Variants in ZNF737 observed in about 807,000 individuals in gnomAD.
The protein encoded by ZNF737 is zinc finger protein 102 (Y3).
In ZNF737, 13 loss-of-function variants were observed where a neutral mutation model predicts 11.7. The observed-to-expected ratio is 1.11, with a 90% CI of 0.73 to 1.77. ZNF737 has a LOEUF of 1.77. Among genes scored for constraint, ZNF737 ranks in the 40% most tolerant of loss-of-function variants. ZNF737 has a pLI of 0.00. For synonymous variants in ZNF737, 217 were observed against 216.2 expected (o/e 1.00, Z -0.03); for missense variants, 636 against 638.0 (o/e 1.00, Z 0.03).
rs1207283719 is a variant in ZNF737 at position 20,545,161 on chromosome 19, T to C, written c.1042A>G (p.Arg348Gly). 1 of 1,612,630 alleles carries C rather than the reference T, an allele frequency of 6.2e-7. No individual in the cohort carries two copies. Among genetic ancestry groups the C allele is most frequent in the Non-Finnish European group, 8.5e-7 (1 of 1,179,214 alleles). Residue 348 changes from arginine (R) to glycine (G), a missense_variant, in exon 4 of 4, where the codon AGA becomes GGA. Coordinates refer to ENST00000427401, the MANE Select transcript of ZNF737 (RefSeq NM_001159293.2). ...AGGGATGAGAAGTACTTAAAGGCTC[T>C]GCCACATTCTTCACATTTGTAGGGT... is the stretch of plus-strand genomic sequence containing the variant. ...EKPYKCEECG[R>G]AFKYFSSLTT... is the part of the protein sequence containing the mutation.
intron 2 of ZNF737, among the ~76,000 whole-genome samples, chr19:20,553,199 C>T (rs1968758542): frequency 6.6e-6 from 1 of 152,004 alleles, no homozygotes; most frequent in Non-Finnish European, 1.5e-5. Flanking sequence ...GATTACAGCT[C>T]ACCTCACAAA....
Position 20,539,564 on chromosome 19 carries a change from A to G in ZNF737, c.*5028T>C, listed in dbSNP as rs1388259107. The G allele has an allele frequency of 2.5e-5, 25 of 983,046 alleles. No homozygotes were observed. Among genetic ancestry groups the G allele is most frequent in the Non-Finnish European group, 2.9e-5 (24 of 827,854 alleles). The allele number at this position is 983,046 out of a possible 1,614,324, so 60.9% of individuals were successfully genotyped here. ...AATGTTACCTTGGTCATGTGAATCTAAAAGAAACTATCTACATAACTAATC... is the reference window on the plus strand; with the variant it reads ...AATGTTACCTTGGTCATGTGAATCTGAAAGAAACTATCTACATAACTAATC... On this transcript the variant is annotated 3_prime_UTR_variant, in exon 4 of 4. Transcript: ENST00000427401.
rs782450692 is a variant in ZNF737 at position 20,543,269 on chromosome 19, G to A, written c.*1323C>T. On this transcript the variant is annotated 3_prime_UTR_variant, in exon 4 of 4. Transcript: ENST00000427401. ...TCATCTCCAATATAAATTCCCTGAT[G>A]TTGAACAAACTTGAGCAACTGCTTT... is the stretch of plus-strand genomic sequence containing the variant. 4.1e-6 allele frequency: 4 copies of A among 985,346 alleles called. No individual in the cohort carries two copies. The highest frequency in any genetic ancestry group is 4.8e-6 in the Non-Finnish European group (4 of 829,914). The allele number at this position is 985,346 out of a possible 1,614,324, so 61.0% of individuals were successfully genotyped here. A position where few individuals can be genotyped will look rare whatever the true frequency, so the allele number is the denominator to read the frequency against.
In ZNF737 at chr19:20,542,374, A is replaced by G. The variant is rs1438391405; in HGVS notation, c.*2218T>C. ...CTCCTGAGTAGCTGAGATTACAGGCATGCACCACCATGCCTGGCTAATTTT... is the reference window on the plus strand; with the variant it reads ...CTCCTGAGTAGCTGAGATTACAGGCGTGCACCACCATGCCTGGCTAATTTT... On this transcript the variant is annotated 3_prime_UTR_variant, in exon 4 of 4. Transcript: ENST00000427401. 4.9e-5 allele frequency: 15 copies of G among 308,826 alleles called. No individual in the cohort carries two copies. Among genetic ancestry groups the G allele is most frequent in the Non-Finnish European group, 7.1e-5 (15 of 211,798 alleles). 19.1% of individuals were successfully genotyped at this position (308,826 alleles called of 1,614,324 possible).
chr19:20,544,284 T>C lies in ZNF737; in HGVS notation c.*308A>G. ...TTGTAGGGTTTATGTTCCATATAAA[T>C]TCTCATATTTAGTAAAAGTTGATAG... On this transcript the variant is annotated 3_prime_UTR_variant, in exon 4 of 4. Coordinates refer to ENST00000427401, the MANE Select transcript of ZNF737 (RefSeq NM_001159293.2). 3.4e-6 allele frequency: 4 copies of C among 1,189,786 alleles called. No homozygotes were observed. Among genetic ancestry groups the C allele is most frequent in the Non-Finnish European group, 4.2e-6 (4 of 959,020 alleles). 73.7% of individuals were successfully genotyped at this position (1,189,786 alleles called of 1,614,324 possible). A position where few individuals can be genotyped will look rare whatever the true frequency, so the allele number is the denominator to read the frequency against.
chr19:20,565,616 G>A (rs1969270135), intron 1 of ZNF737, 22 bp downstream of exon 1: 1 of 1,614,184 alleles, frequency 6.2e-7, no homozygotes, highest in South Asian at 1.1e-5. Context: ...CCTCTCTCGG[G>A]ATGTCGGACC....
At chr19:20,547,272 T>C (rs1968486867) in intron 3 of ZNF737, among the ~76,000 whole-genome samples, 1 of 151,710 alleles carries the variant, frequency 6.6e-6, no homozygotes. Flanking sequence ...TCCCAGCTAC[T>C]TCAGAGGCTG....
In ZNF737 at chr19:20,543,760, G is replaced by A. The variant is rs769636835; in HGVS notation, c.*832C>T. On this transcript the variant is annotated 3_prime_UTR_variant, in exon 4 of 4. Transcript: ENST00000427401. Reference sequence around the variant, plus strand: ...ATGTGTAGAGAAGTTGGAGGTGTTCGTAAAAGCAATGTCACATTTTTTAGC... The same window carrying A: ...ATGTGTAGAGAAGTTGGAGGTGTTCATAAAAGCAATGTCACATTTTTTAGC... The A allele has an allele frequency of 2.5e-5, 25 of 985,310 alleles. No individual in the cohort carries two copies. The highest frequency in any genetic ancestry group is 6.1e-5 in the Admixed American group (1 of 16,278). 61.0% of individuals were successfully genotyped at this position (985,310 alleles called of 1,614,324 possible).
At chr19:20,562,264 T>C (rs2099123) in intron 1 of ZNF737, among the ~76,000 whole-genome samples, 115,457 of 151,524 alleles carry the variant, frequency 0.76, 44,068 homozygotes, top group East Asian at 0.82. Flanking sequence ...ACCTCTGCCT[T>C]CCAGGTTCAA....
intron 3 of ZNF737, among the ~76,000 whole-genome samples, chr19:20,551,463 G>T (rs1466465044): frequency 1.4e-5 from 2 of 138,626 alleles, no homozygotes; most frequent in African/African-American, 5.3e-5. Flanking sequence ...AAGAAAGAAA[G>T]AAATCCATTG....
rs1357017586 is a variant in ZNF737 at position 20,538,823 on chromosome 19, A to AT, written c.*5768dup. Reference sequence around the variant, plus strand: ...GATAATTACCAACTTTAGTCATACTATTTTTTAGCAACTAATGGCATCTGT... The same window carrying AT: ...GATAATTACCAACTTTAGTCATACTATTTTTTTAGCAACTAATGGCATCTGT... On this transcript the variant is annotated 3_prime_UTR_variant, in exon 4 of 4. Coordinates refer to ENST00000427401, the MANE Select transcript of ZNF737 (RefSeq NM_001159293.2). 23 of 985,264 alleles carry AT rather than the reference A, an allele frequency of 2.3e-5. No homozygotes were observed. The highest frequency in any genetic ancestry group is 2.7e-5 in the Non-Finnish European group (22 of 829,898). 61.0% of individuals were successfully genotyped at this position (985,264 alleles called of 1,614,324 possible).
At position 20,544,631 on chromosome 19, in the gene ZNF737, A is replaced by T. The variant is rs782043851; in HGVS notation, c.1572T>A (p.Leu524=). Residue 524 remains leucine (L), a synonymous_variant, in exon 4 of 4, where the codon CTT becomes CTA. Coordinates refer to ENST00000427401, the MANE Select transcript of ZNF737 (RefSeq NM_001159293.2). ...CGKGFKCPST[L]TTHKVIHTGE... ...CAGTATGAATTACCTTATGTGTAGT[A>T]AGGGTAGAGGGGCACTTAAAGCCTT... The T allele has an allele frequency of 3.7e-6, 6 of 1,610,402 alleles. No homozygotes were observed. The highest frequency in any genetic ancestry group is 5.1e-6 in the Non-Finnish European group (6 of 1,178,582).
the ZNF737 span, among the ~76,000 whole-genome samples, chr19:20,530,720 C>T: frequency 1.3e-5 from 2 of 148,182 alleles, no homozygotes; most frequent in Middle Eastern, 3.6e-3. Context: ...GGCGGCCGGG[C>T]AGAGACCCTC....
rs1968288588 is a variant in ZNF737, at chr19:20,543,159, ATT to A, written c.*1431_*1432del. On this transcript the variant is annotated 3_prime_UTR_variant, in exon 4 of 4. Transcript: ENST00000427401. ...ATATTTACTGCATCTGCAAAATTATATTTTAGCATAAACTCTCTGTTGTTTTC... is the reference window on the plus strand; with the variant it reads ...ATATTTACTGCATCTGCAAAATTATATTAGCATAAACTCTCTGTTGTTTTC... 1.0e-6 allele frequency: 1 copy of A among 968,152 alleles called. No homozygotes were observed. The highest frequency in any genetic ancestry group is 1.8e-5 in the African/African-American group (1 of 56,480). 60.0% of individuals were successfully genotyped at this position (968,152 alleles called of 1,614,324 possible). A position where few individuals can be genotyped will look rare whatever the true frequency, so the allele number is the denominator to read the frequency against.
chr19:20,560,711 C>T (rs1158907478), intron 1 of ZNF737, among the ~76,000 whole-genome samples: 2 of 149,454 alleles, frequency 1.3e-5, no homozygotes, highest in South Asian at 2.1e-4. Flanking sequence ...AACTGGGAGA[C>T]GGAGGTTGTG....
At chr19:20,548,141 A>G (rs1210261428) in intron 3 of ZNF737, among the ~76,000 whole-genome samples, 1 of 147,588 alleles carries the variant, frequency 6.8e-6, no homozygotes, top group Non-Finnish European at 1.5e-5. Flanking sequence ...GACTCCATCT[A>G]AAAAAAAAAG....
In ZNF737 at chr19:20,540,566, C is replaced by G. The variant is rs1968160483; in HGVS notation, c.*4026G>C. Among the ~76,000 whole-genome samples the G allele has an allele frequency of 6.6e-6, 1 of 152,122 alleles. No homozygotes were observed. Among genetic ancestry groups the G allele is most frequent in the African/African-American group, 2.4e-5 (1 of 41,428 alleles). On this transcript the variant is annotated 3_prime_UTR_variant, in exon 4 of 4. Coordinates refer to ENST00000427401, the MANE Select transcript of ZNF737 (RefSeq NM_001159293.2). ...ATGAGGCCAGGAGTTTGGGACCAGC[C>G]TGGCCAACATGATGAAACCCTGTCT...
In ZNF737 at chr19:20,542,727, T is replaced by A; in HGVS notation, c.*1865A>T. 1 of 984,536 alleles carries A rather than the reference T, an allele frequency of 1.0e-6. No individual in the cohort carries two copies. Among genetic ancestry groups the A allele is most frequent in the African/African-American group, 1.7e-5 (1 of 57,326 alleles). The allele number at this position is 984,536 out of a possible 1,614,324, so 61.0% of individuals were successfully genotyped here. ...TCTCCACTTGTATTTTCATTATGCG[T>A]CTTACATTTTAATGTTCTTACTATT... On this transcript the variant is annotated 3_prime_UTR_variant, in exon 4 of 4. Coordinates refer to ENST00000427401, the MANE Select transcript of ZNF737 (RefSeq NM_001159293.2).
downstream of ZNF737, among the ~76,000 whole-genome samples, chr19:20,533,136 A>G (rs1277132022): frequency 2.0e-5 from 3 of 150,176 alleles, 1 homozygote; most frequent in South Asian, 2.2e-4. Context: ...ATGGCAGTAA[A>G]TAACTCCAAA....
Sources: gnomAD v4.1 joint callset for allele counts (sites outside exome capture counted in the v4.1 genomes callset) on GRCh38, gnomAD v4.1.1 for gene constraint, MANE v1.5 for transcripts, NCBI Gene and HGNC (gene_info 2026-07-23, HGNC 2026-07-21) for gene names.